The following TBCA variants were observed in gnomAD, a reference collection of about 807,000 sequenced individuals.
The protein encoded by TBCA is tubulin folding cofactor A, also known as tubulin-specific chaperone A.
A neutral mutation model predicts 15.8 loss-of-function variants in TBCA; 6 were observed. The observed-to-expected ratio is 0.38, with a 90% CI of 0.21 to 0.75. The LOEUF is 0.75. Ranked by LOEUF, TBCA falls within the 30% of genes least tolerant of loss-of-function variation. TBCA has a pLI of 0.46. For missense variants in TBCA, 90 were observed against 131.2 expected (o/e 0.69, Z 1.53); for synonymous variants, 32 against 42.3 (o/e 0.76, Z 0.94).
intron 1 of TBCA, among the ~76,000 whole-genome samples, chr5:77,739,693 G>A (rs1005305649): frequency 3.3e-5 from 5 of 152,098 alleles, no homozygotes; most frequent in African/African-American, 7.2e-5. Context: ...AATTTGTCCC[G>A]TCTTAACTAT....
chr5:77,770,956 G>A (rs1747896040), intron 1 of TBCA, among the ~76,000 whole-genome samples: 1 of 151,946 alleles, frequency 6.6e-6, no homozygotes, highest in Non-Finnish European at 1.5e-5. Flanking sequence ...GCAAAACCCT[G>A]TCTCTACTAA....
chr5:77,748,769 G>C (rs1313795533), intron 1 of TBCA, among the ~76,000 whole-genome samples: 1 of 152,132 alleles, frequency 6.6e-6, no homozygotes, highest in Non-Finnish European at 1.5e-5. Flanking sequence ...CTGTGGACCA[G>C]AAGCCTTACC....
intron 1 of TBCA, among the ~76,000 whole-genome samples, chr5:77,740,601 T>C (rs1747009371): frequency 1.3e-5 from 2 of 152,166 alleles, no homozygotes; most frequent in South Asian, 4.1e-4. Flanking sequence ...CATTACCTTT[T>C]TTATCATGTT....
chr5:77,739,994 A>T (rs1240804655), intron 1 of TBCA, among the ~76,000 whole-genome samples: 3 of 152,226 alleles, frequency 2.0e-5, no homozygotes, highest in Admixed American at 1.3e-4. Flanking sequence ...CTAGAAAATG[A>T]TGTCAAAGTT....
chr5:77,753,697 T>C lies in TBCA; in HGVS notation c.53+22508A>G, dbSNP rs559637775. Among the ~76,000 whole-genome samples the C allele has an allele frequency of 2.6e-5, 4 of 152,374 alleles. No homozygotes were observed. The East Asian group carries it at 7.7e-4, about 29-fold the overall frequency. ...ATTTAATTCTGTATTAGGGTATTTTTAATATCAAAGTTCAATTTTAACAAA... is the reference window on the plus strand; with the variant it reads ...ATTTAATTCTGTATTAGGGTATTTTCAATATCAAAGTTCAATTTTAACAAA... On this transcript the variant is annotated intron_variant, in intron 1 of 3. Coordinates refer to ENST00000380377, the MANE Select transcript of TBCA (RefSeq NM_004607.3).
chr5:77,776,072 A>G, intron 1 of TBCA, 133 bp downstream of exon 1: 1 of 1,136,276 alleles, frequency 8.8e-7, no homozygotes, highest in South Asian at 1.5e-5. Flanking sequence ...GTCCCAGCCA[A>G]CTGCGGAGCC....
intron 1 of TBCA, among the ~76,000 whole-genome samples, chr5:77,723,801 C>T (rs1047568087): frequency 2.2e-4 from 34 of 152,040 alleles, no homozygotes; most frequent in African/African-American, 7.5e-4. Context: ...TTTGAAAAGA[C>T]ACGTGACATT....
intron 1 of TBCA, among the ~76,000 whole-genome samples, chr5:77,770,201 T>A (rs978717530): frequency 6.6e-6 from 1 of 152,238 alleles, no homozygotes; most frequent in Non-Finnish European, 1.5e-5. Flanking sequence ...ATAAGTCACT[T>A]AGCTGAAATA....
At chr5:77,757,731 C>G (rs1429908603) in intron 1 of TBCA, among the ~76,000 whole-genome samples, 1 of 152,198 alleles carries the variant, frequency 6.6e-6, no homozygotes, top group Non-Finnish European at 1.5e-5. Context: ...ATATCTGAGA[C>G]CAGTCTCAGT....
chr5:77,756,311 T>C (rs1044518320), intron 1 of TBCA, among the ~76,000 whole-genome samples: 2 of 151,742 alleles, frequency 1.3e-5, no homozygotes, highest in African/African-American at 4.8e-5. Context: ...AGACAAGCCT[T>C]TTTAAACTAA....
At chr5:77,726,536 T>TA (rs1319928337) in intron 1 of TBCA, among the ~76,000 whole-genome samples, 1 of 152,116 alleles carries the variant, frequency 6.6e-6, no homozygotes. Context: ...AAACCTCTAT[T>TA]AAAAAAATAC....
At chr5:77,720,471 TG>T (rs1746507044) in intron 1 of TBCA, among the ~76,000 whole-genome samples, 1 of 152,182 alleles carries the variant, frequency 6.6e-6, no homozygotes. Flanking sequence ...CCCAGCACTT[TG>T]GGAGGCCGAG....
At chr5:77,771,427 T>C (rs1747911422) in intron 1 of TBCA, among the ~76,000 whole-genome samples, 2 of 152,216 alleles carry the variant, frequency 1.3e-5, no homozygotes, top group Admixed American at 1.3e-4. Flanking sequence ...TTATTCCTAG[T>C]AATCTAACCT....
chr5:77,758,626 C>T (rs1054799704), intron 1 of TBCA, among the ~76,000 whole-genome samples: 1 of 152,192 alleles, frequency 6.6e-6, no homozygotes, highest in Non-Finnish European at 1.5e-5. Context: ...AGGCATACTT[C>T]CAGGGTCTTG....
At chr5:77,720,776 T>TA (rs1746513554) in intron 1 of TBCA, among the ~76,000 whole-genome samples, 1 of 152,138 alleles carries the variant, frequency 6.6e-6, no homozygotes, top group Non-Finnish European at 1.5e-5. Flanking sequence ...GTGGAGAACC[T>TA]AAAACATGGT....
In TBCA at chr5:77,700,368, A is replaced by C. The variant is rs112773259; in HGVS notation, c.160-7016T>G. On this transcript the variant is annotated intron_variant, in intron 2 of 3. Transcript: ENST00000380377. ...TCAAAACTCAAATGTTAAAAAAAAA[A>C]CAAAGCATCCAATTAGTGGGCAAAA... Among the ~76,000 whole-genome samples, 215 of 152,320 alleles carry C rather than the reference A, an allele frequency of 1.4e-3. 1 individual carries two copies. Among genetic ancestry groups the C allele is most frequent in the Middle Eastern group, 0.01 (3 of 294 alleles).
chr5:77,775,349 T>C (rs1219354758), intron 1 of TBCA, among the ~76,000 whole-genome samples: 1 of 152,216 alleles, frequency 6.6e-6, no homozygotes, highest in Non-Finnish European at 1.5e-5. Context: ...ATCTATGACC[T>C]GGATGCCCCC....
intron 1 of TBCA, among the ~76,000 whole-genome samples, chr5:77,723,612 T>C (rs1018717574): frequency 2.6e-5 from 4 of 151,934 alleles, no homozygotes; most frequent in African/African-American, 4.8e-5. Flanking sequence ...CCTGGAAAAT[T>C]GAGAATGGCC....
Position 77,741,891 on chromosome 5 carries a change from G to A in TBCA, c.54-33544C>T, listed in dbSNP as rs150957738. Among the ~76,000 whole-genome samples the A allele has an allele frequency of 2.9e-3, 443 of 152,220 alleles. 3 individuals carry two copies. Among genetic ancestry groups the A allele is most frequent in the African/African-American group, 9.4e-3 (391 of 41,532 alleles). ...ATATTTGAGAAGAAGAATATTTGAC[G>A]AACTGTGATCACTGATTCAACAGCC... On this transcript the variant is annotated intron_variant, in intron 1 of 3. Coordinates refer to ENST00000380377, the MANE Select transcript of TBCA (RefSeq NM_004607.3).
Sources: allele counts gnomAD v4.1 joint callset (sites outside exome capture counted in the v4.1 genomes callset), GRCh38; gene constraint gnomAD v4.1.1; transcripts MANE v1.5; gene names NCBI Gene and HGNC (gene_info 2026-07-23, HGNC 2026-07-21).